IREB2: variants seen among roughly 807,000 people sequenced by gnomAD.
IREB2 encodes the protein iron-responsive element-binding protein 2.
A neutral mutation model predicts 118.8 loss-of-function variants in IREB2; 39 were observed. The observed-to-expected ratio is 0.33, with a 90% CI of 0.25 to 0.43. IREB2 has a LOEUF of 0.43. Ranked by LOEUF, IREB2 falls within the 20% of genes least tolerant of loss-of-function variation. The pLI is 1.00. For missense variants in IREB2, 900 were observed against 1,147.3 expected, an observed-to-expected ratio of 0.78 and a Z score of 3.11; for synonymous variants, 372 against 392.2, an observed-to-expected ratio of 0.95 and a Z score of 0.61.
rs2050786536 is a variant in IREB2 at position 78,438,329 on chromosome 15, T to G, written c.-9T>G. On this transcript the variant is annotated 5_prime_UTR_variant, in exon 1 of 22. Transcript: ENST00000258886. The stretch of plus-strand genomic sequence containing the variant: ...CCCCCTCCCCGGAGGGATAATATGG[T>G]CTCCGGCGATGGACGCCCCAAAAGC... 1 of 1,590,336 alleles carries G rather than the reference T, an allele frequency of 6.3e-7. No homozygotes were observed. The highest frequency in any genetic ancestry group is 8.6e-7 in the Non-Finnish European group (1 of 1,169,296).
At chr15:78,497,415 T>C (rs2051855618) in intron 21 of IREB2, 104 bp downstream of exon 21, 4 of 819,288 alleles carry the variant, frequency 4.9e-6, no homozygotes, top group Non-Finnish European at 7.8e-6. Flanking sequence ...ACTTAATGAA[T>C]GTTAAGTTGC....
chr15:78,453,798 A>G (rs563572330), intron 2 of IREB2, among the ~76,000 whole-genome samples: 1 of 152,320 alleles, frequency 6.6e-6, no homozygotes, highest in South Asian at 2.1e-4. Flanking sequence ...AGAGTGGATG[A>G]AGATAAGAAT....
At chr15:78,446,733 C>A (rs780720583) in intron 2 of IREB2, among the ~76,000 whole-genome samples, 3 of 152,084 alleles carry the variant, frequency 2.0e-5, no homozygotes, top group Non-Finnish European at 4.4e-5. Context: ...TCCTTTCTCA[C>A]AAGACTTTTG....
chr15:78,452,887 C>A (rs1309128353), intron 2 of IREB2, among the ~76,000 whole-genome samples: 1 of 152,214 alleles, frequency 6.6e-6, no homozygotes, highest in African/African-American at 2.4e-5. Context: ...TTATTACTCA[C>A]AGCAAAGCAT....
intron 2 of IREB2, among the ~76,000 whole-genome samples, chr15:78,458,702 G>A (rs894572879): frequency 6.6e-6 from 1 of 152,102 alleles, no homozygotes; most frequent in Non-Finnish European, 1.5e-5. Context: ...TTGTTTACTT[G>A]TTTATGGTCT....
At chr15:78,447,523 A>G (rs35625304) in intron 2 of IREB2, among the ~76,000 whole-genome samples, 2,274 of 151,798 alleles carry the variant, frequency 0.015, 51 homozygotes, top group African/African-American at 0.052. Context: ...TAGAGATGGC[A>G]TTTCACCATG....
chr15:78,438,738 C>T (rs2141437423), intron 1 of IREB2: 2 of 319,804 alleles, frequency 6.3e-6, no homozygotes, highest in African/African-American at 2.2e-5. Flanking sequence ...AGGCGGGGGC[C>T]TGCGTCTCCG....
At chr15:78,478,268 T>G (rs780842563) in intron 9 of IREB2, 29 bp from the exon 10 acceptor site, 1 of 1,372,590 alleles carries the variant, frequency 7.3e-7, no homozygotes, top group Non-Finnish European at 1.0e-6. Flanking sequence ...TCTCACTGCA[T>G]TTTGTTGTTT....
Position 78,488,725 on chromosome 15 carries a change from A to G in IREB2, c.2030A>G (p.Glu677Gly), listed in dbSNP as rs1566993616. 3 of 1,576,188 alleles carry G rather than the reference A, an allele frequency of 1.9e-6. No individual in the cohort carries two copies. The highest frequency in any genetic ancestry group is 2.6e-6 in the Non-Finnish European group (3 of 1,145,682). The stretch of plus-strand genomic sequence containing the variant: ...GAAGAAGTTCATCGAGTAGAGGAAG[A>G]ACATGTTATACTATCCATGTTTAAA... Reference protein sequence around the residue: ...SREEVHRVEEEHVILSMFKAL... With the variant: ...SREEVHRVEEGHVILSMFKAL... The change falls in exon 16 of 22, where the codon GAA (glutamate) becomes GGA (glycine). Residue 677 changes from glutamate (E) to glycine (G), a missense_variant. Transcript: ENST00000258886.
chr15:78,439,686 A>T, intron 1 of IREB2, 109 bp from the exon 2 acceptor site: 1 of 649,926 alleles, frequency 1.5e-6, no homozygotes, highest in Non-Finnish European at 2.6e-6. Flanking sequence ...AACATAGAAT[A>T]TTTTTACCAT....
chr15:78,488,008 A>C (rs2051689386), intron 14 of IREB2, among the ~76,000 whole-genome samples, 172 bp from the exon 15 acceptor site: 1 of 152,186 alleles, frequency 6.6e-6, no homozygotes, highest in South Asian at 2.1e-4. Context: ...TTCATAATAC[A>C]AGGAATTGAT....
At chr15:78,463,201 G>A in intron 3 of IREB2, 114 bp downstream of exon 3, 1 of 838,964 alleles carries the variant, frequency 1.2e-6, no homozygotes, top group Non-Finnish European at 1.8e-6. Flanking sequence ...TACTTTGGGA[G>A]GCCAAGGCAG....
At chr15:78,442,517 G>A (rs1191639132) in intron 2 of IREB2, among the ~76,000 whole-genome samples, 1 of 152,154 alleles carries the variant, frequency 6.6e-6, no homozygotes, top group Non-Finnish European at 1.5e-5. Flanking sequence ...AATGAGTAAC[G>A]ATTAATGAAG....
rs2051890933 is a variant in IREB2 at position 78,498,989 on chromosome 15, A to C, written c.*846A>C. Reference sequence around the variant, plus strand: ...TAATATTTTCGGTATCATTAACCAAAATTTCACACTCATAGTTGCTAAAGA... The same window carrying C: ...TAATATTTTCGGTATCATTAACCAACATTTCACACTCATAGTTGCTAAAGA... On this transcript the variant is annotated 3_prime_UTR_variant, in exon 22 of 22. Transcript: ENST00000258886. 6.6e-6 allele frequency: 1 copy of C among 152,188 alleles called. No homozygotes were observed. Among genetic ancestry groups the C allele is most frequent in the Non-Finnish European group, 1.5e-5 (1 of 68,038 alleles). The allele number at this position is 152,188 out of a possible 1,614,324, so 9.4% of individuals were successfully genotyped here. A position where few individuals can be genotyped will look rare whatever the true frequency, so the allele number is the denominator to read the frequency against.
chr15:78,463,049 G>T lies in IREB2; in HGVS notation c.234G>T (p.Val78=), dbSNP rs1386545989. Residue 78 remains valine (V), a synonymous_variant, in exon 3 of 22, where the codon GTG becomes GTT. Coordinates refer to ENST00000258886, the MANE Select transcript of IREB2 (RefSeq NM_004136.4). The stretch of plus-strand genomic sequence containing the variant: ...AAACCAAACAAAGCAATGTTGAAGT[G>T]CCCTTTTTCCCTGCCCGTGTTCTTC... ...DWKTKQSNVE[V]PFFPARVLLQ... 5.0e-6 allele frequency: 8 copies of T among 1,608,382 alleles called. No homozygotes were observed. The highest frequency in any genetic ancestry group is 5.9e-6 in the Non-Finnish European group (7 of 1,178,518).
chr15:78,460,136 C>T (rs1320256580), intron 2 of IREB2, among the ~76,000 whole-genome samples: 2 of 152,136 alleles, frequency 1.3e-5, no homozygotes, highest in South Asian at 2.1e-4. Flanking sequence ...AGCTTGTAAG[C>T]GCGCCATCCA....
chr15:78,472,618 C>T (rs772751715), intron 7 of IREB2, among the ~76,000 whole-genome samples: 28 of 152,214 alleles, frequency 1.8e-4, no homozygotes, highest in Admixed American at 1.7e-3. Flanking sequence ...CCACCCACCT[C>T]GACCTCCCAA....
At chr15:78,446,991 A>T (rs1425922987) in intron 2 of IREB2, among the ~76,000 whole-genome samples, 1 of 152,122 alleles carries the variant, frequency 6.6e-6, no homozygotes, top group Non-Finnish European at 1.5e-5. Context: ...GAAGAAAAAA[A>T]ACTTTCTTCT....
intron 10 of IREB2, chr15:78,480,285 C>T (rs934984781): frequency 6.6e-6 from 1 of 152,070 alleles, no homozygotes; most frequent in Admixed American, 6.6e-5. Context: ...GTGCTTTGTC[C>T]ATTTTTTTTC....
Sources: gnomAD v4.1 joint callset for allele counts (sites outside exome capture counted in the v4.1 genomes callset) on GRCh38, gnomAD v4.1.1 for gene constraint, MANE v1.5 for transcripts, NCBI Gene and HGNC (gene_info 2026-07-23, HGNC 2026-07-21) for gene names.